Variants in CAMKMT observed in about 807,000 individuals in gnomAD.
CAMKMT encodes the protein calmodulin-lysine N-methyltransferase.
CAMKMT carries 53 observed loss-of-function variants against 48.0 expected under a neutral mutation model. That is an observed-to-expected ratio of 1.10 (90% confidence interval 0.89 to 1.39). The LOEUF is 1.39. Ranked by LOEUF, CAMKMT falls within the 40% of genes most tolerant of loss-of-function variation. The pLI is 0.00. For synonymous variants in CAMKMT, 165 were observed against 152.3 expected (o/e 1.08, Z -0.61); for missense variants, 428 against 402.7 (o/e 1.06, Z -0.54).
intron 3 of CAMKMT, among the ~76,000 whole-genome samples, chr2:44,547,276 G>C (rs1006931564): frequency 1.3e-5 from 2 of 152,162 alleles, no homozygotes; most frequent in East Asian, 1.9e-4. Flanking sequence ...AGTAAAAACT[G>C]TTCTATGCTG....
At chr2:44,613,932 A>G (rs1401372427) in intron 3 of CAMKMT, among the ~76,000 whole-genome samples, 1 of 152,224 alleles carries the variant, frequency 6.6e-6, no homozygotes, top group Non-Finnish European at 1.5e-5. Context: ...CTGTTATTCC[A>G]TAACAGTGAT....
intron 3 of CAMKMT, among the ~76,000 whole-genome samples, chr2:44,660,192 T>C (rs982581014): frequency 6.6e-6 from 1 of 152,240 alleles, no homozygotes; most frequent in South Asian, 2.1e-4. Flanking sequence ...CTCTTTAATG[T>C]CTGTCTTAGT....
At chr2:44,550,937 A>G (rs530265872) in intron 3 of CAMKMT, 22 of 152,326 alleles carry the variant, frequency 1.4e-4, no homozygotes, top group African/African-American at 5.1e-4. Context: ...TAAACAACTC[A>G]TTCATGAATG....
chr2:44,663,856 A>G (rs1458016652), intron 3 of CAMKMT, among the ~76,000 whole-genome samples: 1 of 152,208 alleles, frequency 6.6e-6, no homozygotes, highest in Non-Finnish European at 1.5e-5. Flanking sequence ...CAAACCACAA[A>G]TAGTCTTGCC....
At chr2:44,430,193 A>G (rs528240976) in intron 3 of CAMKMT, among the ~76,000 whole-genome samples, 9 of 152,076 alleles carry the variant, frequency 5.9e-5, no homozygotes, top group Non-Finnish European at 7.4e-5. Context: ...CTGATGTTTC[A>G]AAAGAATCTG....
chr2:44,768,361 A>ATATATATATATATATATATATT (rs35058824), intron 10 of CAMKMT, among the ~76,000 whole-genome samples: 5 of 115,724 alleles, frequency 4.3e-5, no homozygotes, highest in African/African-American at 1.5e-4. Context: ...ATATATATAT[A>ATATATATATATATATATATATT]TTTTTTTTTT....
chr2:44,678,186 G>A (rs1675822874), intron 3 of CAMKMT, among the ~76,000 whole-genome samples: 1 of 152,086 alleles, frequency 6.6e-6, no homozygotes, highest in South Asian at 2.1e-4. Flanking sequence ...GAGTAGCTTG[G>A]AAAAAAATTT....
At chr2:44,639,385 A>G (rs1228078001) in intron 3 of CAMKMT, among the ~76,000 whole-genome samples, 3 of 152,200 alleles carry the variant, frequency 2.0e-5, no homozygotes, top group Non-Finnish European at 2.9e-5. Flanking sequence ...TTAGCATAGC[A>G]GTTAAGAGCA....
At chr2:44,501,565 G>A (rs1670008247) in intron 3 of CAMKMT, among the ~76,000 whole-genome samples, 1 of 152,188 alleles carries the variant, frequency 6.6e-6, no homozygotes, top group Non-Finnish European at 1.5e-5. Context: ...GGTCTTCATT[G>A]TGAAGTCTCT....
chr2:44,461,718 CT>C (rs1469966927), intron 3 of CAMKMT, among the ~76,000 whole-genome samples: 3 of 152,130 alleles, frequency 2.0e-5, no homozygotes, highest in Non-Finnish European at 2.9e-5. Context: ...CATACAAATT[CT>C]TTTCAAAATT....
chr2:44,452,731 T>C (rs1421850822), intron 3 of CAMKMT, among the ~76,000 whole-genome samples: 2 of 152,014 alleles, frequency 1.3e-5, no homozygotes, highest in African/African-American at 2.4e-5. Flanking sequence ...GCAAGTAGCC[T>C]CTCTTTATTA....
At chr2:44,665,227 T>G (rs1674897879) in intron 3 of CAMKMT, among the ~76,000 whole-genome samples, 1 of 152,124 alleles carries the variant, frequency 6.6e-6, no homozygotes, top group Non-Finnish European at 1.5e-5. Flanking sequence ...CCCGCCATCA[T>G]GCCCGGCTAA....
intron 3 of CAMKMT, among the ~76,000 whole-genome samples, chr2:44,565,646 C>G (rs1323359642): frequency 6.6e-6 from 1 of 152,064 alleles, no homozygotes; most frequent in East Asian, 1.9e-4. Context: ...ATGCCTGGAT[C>G]CTACTCAGAG....
At chr2:44,754,181 T>C (rs1039371553) in intron 9 of CAMKMT, 63 bp downstream of exon 9, 2 of 1,273,462 alleles carry the variant, frequency 1.6e-6, no homozygotes, top group Non-Finnish European at 2.3e-6. Flanking sequence ...TGCACAAAGA[T>C]GGAGAGAGTA....
intron 3 of CAMKMT, among the ~76,000 whole-genome samples, chr2:44,553,275 T>C (rs1209785130): frequency 6.6e-6 from 1 of 152,160 alleles, no homozygotes; most frequent in Non-Finnish European, 1.5e-5. Flanking sequence ...TGTTCTCTCA[T>C]ACAAGTGCTC....
chr2:44,674,526 C>T (rs550522657), intron 3 of CAMKMT, among the ~76,000 whole-genome samples: 2 of 152,290 alleles, frequency 1.3e-5, no homozygotes, highest in East Asian at 3.9e-4. Flanking sequence ...ACAATGAAAA[C>T]ACTCAGTAAC....
intron 3 of CAMKMT, among the ~76,000 whole-genome samples, chr2:44,682,573 A>G (rs1300810249): frequency 6.6e-6 from 1 of 152,188 alleles, no homozygotes. Flanking sequence ...AAGGTTTGAT[A>G]TATCTATTAA....
intron 3 of CAMKMT, among the ~76,000 whole-genome samples, chr2:44,595,255 G>A (rs1403107161): frequency 1.3e-5 from 2 of 151,642 alleles, no homozygotes; most frequent in African/African-American, 4.8e-5. Flanking sequence ...AATTCACCAA[G>A]GATCTGGTAC....
intron 3 of CAMKMT, among the ~76,000 whole-genome samples, chr2:44,648,906 G>C (rs1278111978): frequency 6.6e-6 from 1 of 152,106 alleles, no homozygotes; most frequent in Non-Finnish European, 1.5e-5. Flanking sequence ...AAGTACTATA[G>C]TCATCCACTT....
Sources: allele counts gnomAD v4.1 joint callset (sites outside exome capture counted in the v4.1 genomes callset), GRCh38; gene constraint gnomAD v4.1.1; transcripts MANE v1.5; gene names NCBI Gene and HGNC (gene_info 2026-07-23, HGNC 2026-07-21).